LY75: variants seen among roughly 807,000 people sequenced by gnomAD.
LY75 encodes lymphocyte antigen 75.
Under a neutral mutation model 231.7 loss-of-function variants are expected in LY75, and 185 were observed. The ratio of observed to expected loss-of-function variants is 0.80; its 90% CI spans 0.71 to 0.90. The LOEUF is 0.90. Ranked by LOEUF, LY75 falls within the 40% of genes least tolerant of loss-of-function variation. The pLI, the probability that LY75 is intolerant of heterozygous loss-of-function variation, is 0.00. For synonymous variants in LY75, 668 were observed against 689.0 expected, an observed-to-expected ratio of 0.97 and a Z score of 0.48; for missense variants, 1,947 against 2,050.2, an observed-to-expected ratio of 0.95 and a Z score of 0.97.
chr2:159,893,895 T>C lies in LY75; in HGVS notation c.637+19A>G. ...AAATGTACTACCTTTCCACATAAAA[T>C]TTACCAGCCCATACATACCAGGCTT... On this transcript the variant is annotated intron_variant, in intron 3 of 34. Coordinates refer to ENST00000263636, the MANE Select transcript of LY75 (RefSeq NM_002349.4). 6.3e-7 allele frequency: 1 copy of C among 1,587,210 alleles called. No homozygotes were observed. Among genetic ancestry groups the C allele is most frequent in the Non-Finnish European group, 8.6e-7 (1 of 1,167,724 alleles).
intron 11 of LY75, among the ~76,000 whole-genome samples, chr2:159,876,770 C>T (rs1409186950): frequency 1.3e-5 from 2 of 151,932 alleles, no homozygotes; most frequent in Non-Finnish European, 2.9e-5. Context: ...CTTTCGGAGG[C>T]TGAGGTGGGT....
chr2:159,836,525 A>C (rs1683832725), intron 25 of LY75, among the ~76,000 whole-genome samples: 1 of 152,190 alleles, frequency 6.6e-6, no homozygotes, highest in African/African-American at 2.4e-5. Context: ...GAGACCTTAC[A>C]TACCCACTGG....
At chr2:159,853,606 G>A in intron 19 of LY75, 24 bp downstream of exon 19, 1 of 1,612,914 alleles carries the variant, frequency 6.2e-7, no homozygotes, top group Non-Finnish European at 8.5e-7. Flanking sequence ...ACTTTACAAA[G>A]GTAGAATCAA....
chr2:159,896,203 A>G (rs1210810646), intron 2 of LY75, among the ~76,000 whole-genome samples: 1 of 152,224 alleles, frequency 6.6e-6, no homozygotes, highest in Non-Finnish European at 1.5e-5. Context: ...TTCACCAAAC[A>G]TTCAAAATTT....
intron 6 of LY75, among the ~76,000 whole-genome samples, chr2:159,883,178 G>A (rs893604279): frequency 4.6e-5 from 7 of 150,702 alleles, no homozygotes; most frequent in Middle Eastern, 3.2e-3. Flanking sequence ...TATACCTAAT[G>A]CTAGATGACG....
In LY75 at chr2:159,875,515, C is replaced by T. The variant is rs745394628; in HGVS notation, c.1903G>A (p.Ala635Thr). 2 of 1,614,078 alleles carry T rather than the reference C, an allele frequency of 1.2e-6. No homozygotes were observed. Among genetic ancestry groups the T allele is most frequent in the Non-Finnish European group, 1.7e-6 (2 of 1,179,988 alleles). ...KMSGPLGPEEASPKPDDPCPE... is the reference protein window; with the variant it reads ...KMSGPLGPEETSPKPDDPCPE... ...CAGGGGTCATCAGGCTTAGGGGATG[C>T]TTCTTCAGGCCCAAGGGGTCCACTC... is the stretch of plus-strand genomic sequence containing the variant. Residue 635 changes from alanine (A) to threonine (T), a missense_variant, in exon 12 of 35, where the codon GCA (alanine) becomes ACA (threonine). By Grantham distance (58) the Ala-to-Thr change is moderately conservative. Coordinates refer to ENST00000263636, the MANE Select transcript of LY75 (RefSeq NM_002349.4).
chr2:159,861,325 A>C (rs988581517), intron 14 of LY75, among the ~76,000 whole-genome samples: 1 of 152,214 alleles, frequency 6.6e-6, no homozygotes, highest in Non-Finnish European at 1.5e-5. Context: ...CAAAAATTGG[A>C]GTAAATATTG....
At chr2:159,885,670 T>G (rs974448980) in intron 5 of LY75, among the ~76,000 whole-genome samples, 2 of 152,204 alleles carry the variant, frequency 1.3e-5, no homozygotes, top group Non-Finnish European at 2.9e-5. Context: ...GATTAAATTA[T>G]CTTTAAATAT....
chr2:159,885,070 T>C (rs1685543428), intron 6 of LY75, 83 bp downstream of exon 6: 5 of 1,542,710 alleles, frequency 3.2e-6, no homozygotes. Context: ...TGGAAACGGA[T>C]GTTGGAAAAG....
intron 25 of LY75, among the ~76,000 whole-genome samples, chr2:159,837,303 G>A (rs1225227987): frequency 6.6e-6 from 1 of 152,194 alleles, no homozygotes; most frequent in African/African-American, 2.4e-5. Flanking sequence ...GGCATACTGT[G>A]CAGCCATAAA....
chr2:159,817,223 T>C (rs528943765), intron 29 of LY75, among the ~76,000 whole-genome samples, 191 bp from the exon 30 acceptor site: 4 of 152,358 alleles, frequency 2.6e-5, no homozygotes, highest in Admixed American at 2.0e-4. Flanking sequence ...CTCTGATTGA[T>C]ATTTTAAAAG....
At chr2:159,875,758 G>A (rs1685248427) in intron 11 of LY75, 115 bp from the exon 12 acceptor site, 1 of 1,244,716 alleles carries the variant, frequency 8.0e-7, no homozygotes. Flanking sequence ...AAAAAAAATG[G>A]AACAAAGAGA....
chr2:159,839,046 T>A (rs34342513), intron 25 of LY75, among the ~76,000 whole-genome samples: 21,230 of 152,168 alleles, frequency 0.14, 1,711 homozygotes, highest in South Asian at 0.28. Context: ...TCCACCCACT[T>A]TGGCCTCCCA....
Position 159,852,393 on chromosome 2 carries a change from T to G in LY75, c.2744-53A>C, listed in dbSNP as rs1574558931. On this transcript the variant is annotated intron_variant, in intron 20 of 34. Coordinates refer to ENST00000263636, the MANE Select transcript of LY75 (RefSeq NM_002349.4). ...TGGTGAGAATTTTTCAGTCAGTACA[T>G]TTTTATTTTGTTTTGTGTGTTTTTT... The G allele has an allele frequency of 3.2e-6, 5 of 1,564,260 alleles. No individual in the cohort carries two copies. The East Asian group carries it at 1.1e-4, about 35-fold the overall frequency.
At chr2:159,809,932 C>T (rs1357787038) in intron 32 of LY75, among the ~76,000 whole-genome samples, 1 of 152,170 alleles carries the variant, frequency 6.6e-6, no homozygotes, top group Non-Finnish European at 1.5e-5. Context: ...CCCACCTCGG[C>T]CTCCCAAAGT....
At chr2:159,851,508 A>C (rs573989234) in intron 21 of LY75, among the ~76,000 whole-genome samples, 1 of 152,226 alleles carries the variant, frequency 6.6e-6, no homozygotes, top group African/African-American at 2.4e-5. Context: ...GAGCAAAACC[A>C]AAAGAAGCCT....
chr2:159,865,975 T>C (rs1361829964), intron 13 of LY75, among the ~76,000 whole-genome samples: 1 of 152,154 alleles, frequency 6.6e-6, no homozygotes, highest in African/African-American at 2.4e-5. Context: ...CATTTGAAAA[T>C]GTTTTCTAAA....
chr2:159,859,530 A>G (rs903507429), intron 15 of LY75, among the ~76,000 whole-genome samples: 25 of 152,168 alleles, frequency 1.6e-4, no homozygotes, highest in African/African-American at 5.8e-4. Context: ...CTTGATCTCA[A>G]CTTACCATAG....
At chr2:159,809,944 C>T (rs1412099648) in intron 32 of LY75, among the ~76,000 whole-genome samples, 2 of 152,176 alleles carry the variant, frequency 1.3e-5, no homozygotes, top group Non-Finnish European at 2.9e-5. Context: ...TCCCAAAGTG[C>T]TGGGATTATA....
Sources: allele counts gnomAD v4.1 joint callset (sites outside exome capture counted in the v4.1 genomes callset), GRCh38; gene constraint gnomAD v4.1.1; transcripts MANE v1.5; gene names NCBI Gene and HGNC (gene_info 2026-07-23, HGNC 2026-07-21).